The following NCALD variants were observed in gnomAD, a reference collection of about 807,000 sequenced individuals.
The protein encoded by NCALD is neurocalcin delta.
A neutral mutation model predicts 18.6 loss-of-function variants in NCALD; 10 were observed. The observed-to-expected ratio is 0.54, with a 90% CI of 0.33 to 0.91. The LOEUF (loss-of-function observed/expected upper bound fraction) is 0.91, where lower values mean the gene tolerates loss of function less well. Among genes scored for constraint, NCALD ranks in the 40% least tolerant of loss-of-function variants. The pLI is 0.03. For missense variants in NCALD, 184 were observed against 247.6 expected, an observed-to-expected ratio of 0.74 and a Z score of 1.72; for synonymous variants, 88 against 87.4, an observed-to-expected ratio of 1.01 and a Z score of -0.04.
chr8:101,699,231 C>T (rs557693808), intron 2 of NCALD, among the ~76,000 whole-genome samples: 27 of 152,286 alleles, frequency 1.8e-4, no homozygotes, highest in South Asian at 1.7e-3. Context: ...ATGCCAGTCA[C>T]AATGGTGATT....
At chr8:101,897,636 G>T (rs1193143653) in intron 3 of NCALD, among the ~76,000 whole-genome samples, 1 of 152,180 alleles carries the variant, frequency 6.6e-6, no homozygotes, top group African/African-American at 2.4e-5. Flanking sequence ...TACAGGCTTT[G>T]TGTAGATAAA....
At chr8:101,909,650 G>C (rs1198599528) in intron 3 of NCALD, among the ~76,000 whole-genome samples, 4 of 152,112 alleles carry the variant, frequency 2.6e-5, no homozygotes, top group Non-Finnish European at 5.9e-5. Context: ...AAGAAAATGA[G>C]CCTCTGAAAT....
chr8:101,692,953 C>T, intron 2 of NCALD, 57 bp from the exon 3 acceptor site: 1 of 1,305,830 alleles, frequency 7.7e-7, no homozygotes, highest in Non-Finnish European at 1.1e-6. Flanking sequence ...ACACAATAGA[C>T]CTATCATTAA....
At chr8:102,120,493 C>T (rs1825914263) in intron 1 of NCALD, among the ~76,000 whole-genome samples, 1 of 152,170 alleles carries the variant, frequency 6.6e-6, no homozygotes, top group African/African-American at 2.4e-5. Flanking sequence ...GGAGCTCTTC[C>T]AGCCATCCTA....
intron 2 of NCALD, among the ~76,000 whole-genome samples, chr8:101,702,576 A>G (rs1024002261): frequency 3.9e-5 from 6 of 152,186 alleles, no homozygotes; most frequent in African/African-American, 1.4e-4. Flanking sequence ...AGATCTGTAC[A>G]CTGTACTCTC....
rs1217947118 is a variant in NCALD, at chr8:102,009,443, A to G, written c.-157+10794T>C. ...CCTGTTTTTGTTTCCGTCTCCCTGA[A>G]TAAGGAGGAAAGCTCAAGGTAGTTC... On this transcript the variant is annotated intron_variant, in intron 2 of 6. Coordinates refer to the NCALD transcript ENST00000311028. Among the ~76,000 whole-genome samples the G allele has an allele frequency of 3.9e-5, 6 of 152,346 alleles. No individual in the cohort carries two copies. In the East Asian group the frequency reaches 1.2e-3, roughly 29 times the overall value.
At chr8:101,796,823 C>T (rs926141431) in intron 4 of NCALD, among the ~76,000 whole-genome samples, 17 of 152,132 alleles carry the variant, frequency 1.1e-4, no homozygotes, top group African/African-American at 3.9e-4. Flanking sequence ...CCCAAAATCA[C>T]GAAGCTGAAA....
intron 4 of NCALD, among the ~76,000 whole-genome samples, chr8:101,845,109 C>A (rs991820366): frequency 1.2e-4 from 18 of 152,160 alleles, no homozygotes; most frequent in African/African-American, 3.6e-4. Context: ...TGGAAGGGAG[C>A]CAGGGGCAGT....
intron 3 of NCALD, chr8:101,691,608 C>A: frequency 1.0e-6 from 1 of 985,382 alleles, no homozygotes; most frequent in Non-Finnish European, 1.2e-6. Context: ...TTAAAATAAT[C>A]CCGTGCTTGT....
intron 3 of NCALD, among the ~76,000 whole-genome samples, chr8:101,897,550 C>T (rs1817245727): frequency 6.6e-6 from 1 of 151,966 alleles, no homozygotes; most frequent in African/African-American, 2.4e-5. Flanking sequence ...TTTGCTTAAC[C>T]ACTCACCTAT....
At chr8:101,883,237 G>A (rs1410778120) in intron 4 of NCALD, among the ~76,000 whole-genome samples, 1 of 152,134 alleles carries the variant, frequency 6.6e-6, no homozygotes, top group African/African-American at 2.4e-5. Flanking sequence ...AGCTGGGCAT[G>A]GTGGTGCGCA....
intron 2 of NCALD, among the ~76,000 whole-genome samples, chr8:101,714,523 C>A (rs889967112): frequency 2.0e-5 from 3 of 152,190 alleles, no homozygotes; most frequent in Non-Finnish European, 2.9e-5. Context: ...ACATTCCATG[C>A]TCATGGTAGG....
At chr8:101,847,428 G>A (rs931403441) in intron 4 of NCALD, 3 of 164,962 alleles carry the variant, frequency 1.8e-5, no homozygotes, top group African/African-American at 7.1e-5. Context: ...TCCATCTTGA[G>A]ACAACAGTTG....
At chr8:102,052,023 A>G (rs1236859192) in intron 1 of NCALD, among the ~76,000 whole-genome samples, 1 of 152,370 alleles carries the variant, frequency 6.6e-6, no homozygotes, top group South Asian at 2.1e-4. Context: ...GACTTTTTCC[A>G]TCTACAAAGA....
At chr8:102,039,335 T>C (rs1353508965) in intron 1 of NCALD, among the ~76,000 whole-genome samples, 1 of 152,200 alleles carries the variant, frequency 6.6e-6, no homozygotes, top group Non-Finnish European at 1.5e-5. Flanking sequence ...ATTGTTAGAA[T>C]ATGGGTTGCT....
intron 1 of NCALD, among the ~76,000 whole-genome samples, chr8:101,753,917 A>C (rs1810765713): frequency 6.6e-6 from 1 of 152,200 alleles, no homozygotes; most frequent in African/African-American, 2.4e-5. Flanking sequence ...CATATGATTT[A>C]AGATATTTTG....
chr8:101,897,907 G>C (rs771991218), intron 3 of NCALD, among the ~76,000 whole-genome samples: 1 of 152,210 alleles, frequency 6.6e-6, no homozygotes, highest in Non-Finnish European at 1.5e-5. Flanking sequence ...GGAGGGACCA[G>C]GTGGAAATAA....
chr8:101,719,235 G>A lies in NCALD; in HGVS notation c.378+17C>T. On this transcript the variant is annotated intron_variant, in intron 2 of 3. Transcript: ENST00000220931. ...AGATACATGCCCTTCTTTTTTTAAA[G>A]GGCTCAGTCTACGTACCTGCACGAT... The A allele has an allele frequency of 6.2e-7, 1 of 1,600,796 alleles. No homozygotes were observed. Among genetic ancestry groups the A allele is most frequent in the Non-Finnish European group, 8.5e-7 (1 of 1,174,908 alleles).
intron 2 of NCALD, among the ~76,000 whole-genome samples, chr8:101,707,544 T>A (rs924563363): frequency 2.5e-4 from 38 of 152,306 alleles, no homozygotes; most frequent in African/African-American, 9.1e-4. Context: ...AAACCAAACT[T>A]TCCTGTTGTG....
Sources: gnomAD v4.1 joint callset for allele counts (sites outside exome capture counted in the v4.1 genomes callset) on GRCh38, gnomAD v4.1.1 for gene constraint, MANE v1.5 for transcripts, NCBI Gene and HGNC (gene_info 2026-07-23, HGNC 2026-07-21) for gene names.